HCK: variants seen among roughly 807,000 people sequenced by gnomAD.
The protein encoded by HCK is HCK proto-oncogene, Src family tyrosine kinase.
A neutral mutation model predicts 70.4 loss-of-function variants in HCK; 40 were observed. That is an observed-to-expected ratio of 0.57 (90% CI 0.44 to 0.74). The LOEUF (loss-of-function observed/expected upper bound fraction) is 0.74. Among genes scored for constraint, HCK ranks in the 30% least tolerant of loss-of-function variants. The pLI is 0.00. For synonymous variants in HCK, 245 were observed against 263.2 expected (o/e 0.93, Z 0.67); for missense variants, 568 against 697.2 (o/e 0.81, Z 2.09).
intron 1 of HCK, among the ~76,000 whole-genome samples, chr20:32,052,884 G>T (rs1249345756): frequency 6.6e-6 from 1 of 152,008 alleles, no homozygotes; most frequent in Non-Finnish European, 1.5e-5. Context: ...GGTTCCCGGT[G>T]GGGGCCGGGT....
In HCK at chr20:32,085,880, G is replaced by A. The variant is rs377685507; in HGVS notation, c.836-748G>A. On this transcript the variant is annotated intron_variant, in intron 8 of 12. Coordinates refer to ENST00000375852, the MANE Select transcript of HCK (RefSeq NM_002110.5). ...GGCTGATGAGGCTAGAGGGGTGGAC[G>A]AGGCTGGGTCATGTAGGGCCTGGGG... Among the ~76,000 whole-genome samples the A allele has an allele frequency of 7.9e-5, 12 of 152,318 alleles. 1 individual carries two copies. The highest frequency in any genetic ancestry group is 2.6e-4 in the African/African-American group (11 of 41,576).
intron 1 of HCK, among the ~76,000 whole-genome samples, chr20:32,059,118 G>A (rs1377357972): frequency 1.3e-5 from 2 of 152,188 alleles, no homozygotes; most frequent in Non-Finnish European, 2.9e-5. Flanking sequence ...TAGAGGCAGG[G>A]CACTGACAGC....
At chr20:32,061,229 G>C (rs539418813) in intron 1 of HCK, among the ~76,000 whole-genome samples, 2 of 152,156 alleles carry the variant, frequency 1.3e-5, no homozygotes, top group Non-Finnish European at 2.9e-5. Context: ...TGATTCGCCC[G>C]CCTTGGCCTC....
chr20:32,053,145 C>T (rs1206772517), intron 1 of HCK, among the ~76,000 whole-genome samples: 1 of 152,124 alleles, frequency 6.6e-6, no homozygotes, highest in South Asian at 2.1e-4. Flanking sequence ...GTCTTTCTTG[C>T]AAGGATGCAG....
At position 32,071,743 on chromosome 20, in the gene HCK, T is replaced by C. The variant is rs1161918001; in HGVS notation, c.144T>C (p.Cys48=). The change falls in exon 2 of 13, where the codon TGT becomes TGC. Residue 48 remains cysteine, a synonymous_variant. Coordinates refer to ENST00000375852, the MANE Select transcript of HCK (RefSeq NM_002110.5). ...CTGAAACCAGCGCCAGCCCACACTGTCCTGTGTACGTGCCGGATCCCACAT... is the reference window on the plus strand; with the variant it reads ...CTGAAACCAGCGCCAGCCCACACTGCCCTGTGTACGTGCCGGATCCCACAT... The C allele has an allele frequency of 1.2e-6, 2 of 1,613,860 alleles. No homozygotes were observed. Among genetic ancestry groups the C allele is most frequent in the African/African-American group, 2.7e-5 (2 of 74,856 alleles).
At position 32,100,438 on chromosome 20, in the gene HCK, G is replaced by C. The variant is rs1018077587; in HGVS notation, c.1379-879G>C. ...GAACTGGTGCTACGTTTCAAAAGGA[G>C]AAAAGATCTGACTTGCTGACTTAGG... On this transcript the variant is annotated intron_variant, in intron 12 of 12. Transcript: ENST00000375852. 4.6e-5 allele frequency among the ~76,000 whole-genome samples: 7 copies of C among 152,256 alleles called. 1 individual carries two copies. The highest frequency in any genetic ancestry group is 3.3e-4 in the Admixed American group (5 of 15,294).
intron 11 of HCK, among the ~76,000 whole-genome samples, chr20:32,094,787 G>GAGAAGAAAGAA (rs1286693158): frequency 9.5e-6 from 1 of 105,306 alleles, no homozygotes; most frequent in African/African-American, 4.0e-5. Flanking sequence ...GAGAGAGAAA[G>GAGAAGAAAGAA]AGAAAGAAAG....
At chr20:32,052,701 T>A (rs1346823936) in intron 1 of HCK, among the ~76,000 whole-genome samples, 1 of 148,214 alleles carries the variant, frequency 6.7e-6, no homozygotes, top group African/African-American at 2.6e-5. Flanking sequence ...TGCGGACTGC[T>A]GGATTCCCGG....
intron 11 of HCK, among the ~76,000 whole-genome samples, chr20:32,095,891 ATTTATTTATTTATTTT>A: frequency 1.2e-5 from 1 of 80,874 alleles, no homozygotes; most frequent in Non-Finnish European, 2.2e-5. Context: ...TTATTTATTT[ATTTATTTATTTATTTT>A]GAGACGGAGT....
At chr20:32,052,709 C>T (rs1246641643) in intron 1 of HCK, among the ~76,000 whole-genome samples, 1 of 148,984 alleles carries the variant, frequency 6.7e-6, no homozygotes, top group Non-Finnish European at 1.5e-5. Flanking sequence ...GCTGGATTCC[C>T]GGGGAAGGGG....
rs529114003 is a variant in HCK, at chr20:32,086,041, A to G, written c.836-587A>G. ...TTTTTTGTTTGTTTGTTTGTTTGAG[A>G]CAGAGTCTCGCTCTGTCACCCAGGC... On this transcript the variant is annotated intron_variant, in intron 8 of 12. Coordinates refer to ENST00000375852, the MANE Select transcript of HCK (RefSeq NM_002110.5). Among the ~76,000 whole-genome samples the G allele has an allele frequency of 2.0e-5, 3 of 152,260 alleles. No homozygotes were observed. The South Asian group carries it at 6.2e-4, about 32-fold the overall frequency.
chr20:32,052,993 C>A (rs1376438236), intron 1 of HCK, among the ~76,000 whole-genome samples: 2 of 152,040 alleles, frequency 1.3e-5, no homozygotes, highest in African/African-American at 4.8e-5. Context: ...GGCTCTCTGC[C>A]CCTCCTCCCA....
chr20:32,056,404 T>A (rs1428176090), intron 1 of HCK, among the ~76,000 whole-genome samples: 1 of 151,728 alleles, frequency 6.6e-6, no homozygotes, highest in Non-Finnish European at 1.5e-5. Context: ...TAGTCCCAGC[T>A]ACTCGGGAGG....
chr20:32,079,153 G>A (rs182123702), intron 5 of HCK, among the ~76,000 whole-genome samples: 1 of 152,324 alleles, frequency 6.6e-6, no homozygotes, highest in South Asian at 2.1e-4. Context: ...TATTCAGGAA[G>A]AATGAAGAAA....
Position 32,088,621 on chromosome 20 carries a change from A to C in HCK, c.1069A>C (p.Lys357Gln), listed in dbSNP as rs773190531. The change falls in exon 10 of 13, where the codon AAA becomes CAA. Residue 357 changes from lysine to glutamine, a missense_variant. Physicochemically the swap from Lys to Gln is moderately conservative, Grantham distance 53. Transcript: ENST00000375852. Reference sequence around the variant, plus strand: ...TGAGGGCAGCAAGCAGCCATTGCCAAAACTCATTGACTTCTCAGCCCAGGT... The same window carrying C: ...TGAGGGCAGCAAGCAGCCATTGCCACAACTCATTGACTTCTCAGCCCAGGT... The C allele has an allele frequency of 1.2e-6, 2 of 1,614,084 alleles. No individual in the cohort carries two copies. The highest frequency in any genetic ancestry group is 2.2e-5 in the South Asian group (2 of 91,048).
chr20:32,069,202 T>G (rs983745216), intron 1 of HCK, among the ~76,000 whole-genome samples: 1 of 152,230 alleles, frequency 6.6e-6, no homozygotes, highest in African/African-American at 2.4e-5. Flanking sequence ...CACCACCCTA[T>G]GAGGTAGAAC....
rs2046039454 is a variant in HCK at position 32,101,761 on chromosome 20, G to A, written c.*242G>A. On this transcript the variant is annotated 3_prime_UTR_variant, in exon 13 of 13. Coordinates refer to ENST00000375852, the MANE Select transcript of HCK (RefSeq NM_002110.5). ...GATATTTCTATTTCCTGGAATGGTT[G>A]GATTTTAGTTACAGCTGTGATTTGG... 9.7e-6 allele frequency: 4 copies of A among 412,354 alleles called. No homozygotes were observed. In the South Asian group the frequency reaches 2.3e-4, roughly 24 times the overall value. 25.5% of individuals were successfully genotyped at this position (412,354 alleles called of 1,614,324 possible). A position where few individuals can be genotyped will look rare whatever the true frequency, so the allele number is the denominator to read the frequency against.
intron 1 of HCK, among the ~76,000 whole-genome samples, chr20:32,057,612 GAA>G (rs2045292436): frequency 6.6e-6 from 1 of 152,118 alleles, no homozygotes; most frequent in South Asian, 2.1e-4. Flanking sequence ...AAAAAGAAAA[GAA>G]AAGGAATGTG....
chr20:32,086,549 G>T (rs932250252), intron 8 of HCK, 79 bp from the exon 9 acceptor site: 22 of 1,207,618 alleles, frequency 1.8e-5, no homozygotes, highest in African/African-American at 4.6e-5. Flanking sequence ...GAGGAGGCGG[G>T]TCTGCAGCTG....
Sources: allele counts gnomAD v4.1 joint callset (sites outside exome capture counted in the v4.1 genomes callset), GRCh38; gene constraint gnomAD v4.1.1; transcripts MANE v1.5; gene names NCBI Gene and HGNC (gene_info 2026-07-23, HGNC 2026-07-21).